Variants in MAGI2 observed in about 807,000 individuals in gnomAD.
The protein encoded by MAGI2 is membrane associated guanylate kinase, WW and PDZ domain containing 2.
MAGI2 carries 35 observed loss-of-function variants against 133.3 expected under a neutral mutation model. The observed-to-expected ratio is 0.26, with a 90% CI of 0.20 to 0.35. The LOEUF (loss-of-function observed/expected upper bound fraction) is 0.35, where lower values mean the gene tolerates loss of function less well. MAGI2 is among the 10% of genes least tolerant of loss of function. MAGI2 has a pLI of 1.00. For synonymous variants in MAGI2, 729 were observed against 710.6 expected (o/e 1.03, Z -0.41); for missense variants, 1,636 against 1,863.4 (o/e 0.88, Z 2.25).
At chr7:78,469,571 G>T (rs1395153326) in intron 6 of MAGI2, among the ~76,000 whole-genome samples, 1 of 152,134 alleles carries the variant, frequency 6.6e-6, no homozygotes, top group Non-Finnish European at 1.5e-5. Flanking sequence ...AAAAAGACTG[G>T]TTATGCCACA....
At chr7:78,995,714 T>G (rs1037309315) in intron 2 of MAGI2, among the ~76,000 whole-genome samples, 3 of 151,810 alleles carry the variant, frequency 2.0e-5, no homozygotes, top group Middle Eastern at 3.2e-3. Flanking sequence ...TCATTGCTTT[T>G]CTTTTCTTTT....
chr7:78,550,635 G>A (rs1282090936), intron 3 of MAGI2, among the ~76,000 whole-genome samples: 1 of 152,114 alleles, frequency 6.6e-6, no homozygotes, highest in Non-Finnish European at 1.5e-5. Flanking sequence ...CACTGGACAA[G>A]GTTGAGGACA....
At chr7:78,317,956 C>T (rs1172406651) in intron 9 of MAGI2, among the ~76,000 whole-genome samples, 2 of 152,146 alleles carry the variant, frequency 1.3e-5, no homozygotes, top group African/African-American at 4.8e-5. Flanking sequence ...ACACAGAAAC[C>T]CCGTTGGAAG....
chr7:79,263,481 C>G (rs1834221090), intron 1 of MAGI2, among the ~76,000 whole-genome samples: 1 of 152,156 alleles, frequency 6.6e-6, no homozygotes, highest in Non-Finnish European at 1.5e-5. Context: ...TGTTAAAATA[C>G]AGAGCCTTCA....
At chr7:78,480,080 A>G (rs1792194692) in intron 6 of MAGI2, among the ~76,000 whole-genome samples, 1 of 151,940 alleles carries the variant, frequency 6.6e-6, no homozygotes, top group Non-Finnish European at 1.5e-5. Context: ...TTTCTAATTC[A>G]CCAACTTGGA....
At chr7:78,023,128 A>T (rs1255463044) in intron 21 of MAGI2, among the ~76,000 whole-genome samples, 1 of 152,150 alleles carries the variant, frequency 6.6e-6, no homozygotes, top group African/African-American at 2.4e-5. Flanking sequence ...GAGCCTGCAA[A>T]GCTCTGTAAA....
At chr7:78,106,482 C>T (rs1200059224) in intron 20 of MAGI2, among the ~76,000 whole-genome samples, 10 of 152,066 alleles carry the variant, frequency 6.6e-5, no homozygotes, top group Admixed American at 6.6e-4. Context: ...CAACAGTGTA[C>T]AAGCGTTCCC....
intron 3 of MAGI2, among the ~76,000 whole-genome samples, chr7:78,590,842 ATTTAC>A (rs1803923674): frequency 1.3e-5 from 2 of 152,278 alleles, no homozygotes; most frequent in South Asian, 2.1e-4. Context: ...GAGCAATGTA[ATTTAC>A]TTTCCTTTCC....
At chr7:79,433,177 A>G (rs1167071553) in intron 1 of MAGI2, among the ~76,000 whole-genome samples, 1 of 152,168 alleles carries the variant, frequency 6.6e-6, no homozygotes, top group Non-Finnish European at 1.5e-5. Context: ...AATAGTTATG[A>G]GGTGGGCTAG....
At chr7:78,215,223 C>G (rs945810740) in intron 10 of MAGI2, among the ~76,000 whole-genome samples, 1 of 151,962 alleles carries the variant, frequency 6.6e-6, no homozygotes, top group African/African-American at 2.4e-5. Flanking sequence ...TTAGTCTCAT[C>G]GTGGATCTTC....
chr7:78,215,769 G>C (rs1788209690), intron 10 of MAGI2, among the ~76,000 whole-genome samples: 2 of 152,136 alleles, frequency 1.3e-5, no homozygotes, highest in African/African-American at 4.8e-5. Context: ...TTAAAGTGGA[G>C]GCTAATTTTT....
intron 1 of MAGI2, among the ~76,000 whole-genome samples, chr7:79,398,752 C>A (rs1341810454): frequency 6.6e-6 from 1 of 152,104 alleles, no homozygotes; most frequent in Non-Finnish European, 1.5e-5. Context: ...TTTAAACTGT[C>A]AATCTAAAAT....
chr7:79,130,950 C>CTCATTCAT (rs368955211), intron 1 of MAGI2, among the ~76,000 whole-genome samples: 2 of 151,948 alleles, frequency 1.3e-5, no homozygotes, highest in African/African-American at 2.4e-5. Context: ...CATTCACTCA[C>CTCATTCAT]TCATTCATTC....
At chr7:78,324,114 C>G (rs115780905) in intron 9 of MAGI2, among the ~76,000 whole-genome samples, 1,691 of 150,816 alleles carry the variant, frequency 0.011, 36 homozygotes, top group African/African-American at 0.039. Flanking sequence ...AAAAATGGAG[C>G]AAAATAATTG....
chr7:78,092,076 T>C (rs1817266246), intron 20 of MAGI2, among the ~76,000 whole-genome samples: 1 of 152,196 alleles, frequency 6.6e-6, no homozygotes, highest in Non-Finnish European at 1.5e-5. Context: ...ACTACATGTG[T>C]TAAAGTTTCA....
chr7:79,135,993 A>AAGACAGAGAG (rs1554375862), intron 1 of MAGI2, among the ~76,000 whole-genome samples: 7 of 49,598 alleles, frequency 1.4e-4, no homozygotes, highest in African/African-American at 3.6e-4. Flanking sequence ...GAAAGAAAGA[A>AAGACAGAGAG]AGAAAGAAAG....
intron 1 of MAGI2, among the ~76,000 whole-genome samples, chr7:79,305,250 C>T (rs901841362): frequency 1.3e-5 from 2 of 152,116 alleles, no homozygotes; most frequent in Non-Finnish European, 2.9e-5. Flanking sequence ...ATAGAGCATA[C>T]ATATATATGT....
At chr7:78,769,568 C>A (rs1297479836) in intron 2 of MAGI2, among the ~76,000 whole-genome samples, 1 of 152,094 alleles carries the variant, frequency 6.6e-6, no homozygotes, top group Non-Finnish European at 1.5e-5. Flanking sequence ...CCGTCCCCAT[C>A]AGAAAACAGA....
At chr7:78,876,800 A>G (rs1289457352) in intron 2 of MAGI2, among the ~76,000 whole-genome samples, 1 of 152,242 alleles carries the variant, frequency 6.6e-6, no homozygotes, top group Non-Finnish European at 1.5e-5. Flanking sequence ...CCTAAAGGCT[A>G]TGGAATTTTG....
Sources: allele counts gnomAD v4.1 joint callset (sites outside exome capture counted in the v4.1 genomes callset), GRCh38; gene constraint gnomAD v4.1.1; transcripts MANE v1.5; gene names NCBI Gene and HGNC (gene_info 2026-07-23, HGNC 2026-07-21).